COPS6: variants seen among roughly 807,000 people sequenced by gnomAD.
COPS6 encodes the protein COP9 signalosome subunit 6, also known as COP9 signalosome complex subunit 6.
Under a neutral mutation model 41.0 loss-of-function variants are expected in COPS6, and 9 were observed. The observed-to-expected ratio is 0.22, with a 90% CI of 0.13 to 0.38. The LOEUF is 0.38. COPS6 is among the 10% of genes least tolerant of loss of function. The pLI is 1.00. For synonymous variants in COPS6, 179 were observed against 162.9 expected, an observed-to-expected ratio of 1.10 and a Z score of -0.75; for missense variants, 302 against 436.7, an observed-to-expected ratio of 0.69 and a Z score of 2.75.
chr7:100,089,596 A>G lies in COPS6; in HGVS notation c.203-19A>G. On this transcript the variant is annotated intron_variant, in intron 2 of 9. Transcript: ENST00000303904. ...AAGTTTCTTTACCCTCACCTTTTCC[A>G]TGTCATTCTCTTTCCCAGTGATTGG... 6.2e-7 allele frequency: 1 copy of G among 1,609,788 alleles called. No individual in the cohort carries two copies. Among genetic ancestry groups the G allele is most frequent in the Non-Finnish European group, 8.5e-7 (1 of 1,178,110 alleles).
chr7:100,088,979 G>A lies in COPS6; in HGVS notation c.-12G>A, dbSNP rs1795271502. 7.6e-7 allele frequency: 1 copy of A among 1,318,356 alleles called. No individual in the cohort carries two copies. Among genetic ancestry groups the A allele is most frequent in the Non-Finnish European group, 9.7e-7 (1 of 1,032,160 alleles). The allele number at this position is 1,318,356 out of a possible 1,614,324, so 81.7% of individuals were successfully genotyped here. On this transcript the variant is annotated 5_prime_UTR_variant, in exon 1 of 10. Coordinates refer to ENST00000303904, the MANE Select transcript of COPS6 (RefSeq NM_006833.5). ...GAAGGGGGCGGGGCCGAGGCTGGCG[G>A]GCGCGGGGAAAATGGCGGCGGCGGC... is the stretch of plus-strand genomic sequence containing the variant.
intron 2 of COPS6, 38 bp from the exon 3 acceptor site, chr7:100,089,577 C>G (rs757812170): frequency 6.2e-7 from 1 of 1,605,964 alleles, no homozygotes; most frequent in East Asian, 2.2e-5. Context: ...ATAGAAGTTT[C>G]TTTACCCTCA....
In COPS6 at chr7:100,090,926, G is replaced by C; in HGVS notation, c.511G>C (p.Val171Leu). 6.2e-7 allele frequency: 1 copy of C among 1,614,222 alleles called. No homozygotes were observed. ...GCTTCCTGTCAGCGTTTTTGAGTCT[G>C]TCATTGATATAATCAATGGAGAGGT... ...TDLPVSVFESVIDIINGEATM... is the reference protein window; with the variant it reads ...TDLPVSVFESLIDIINGEATM... Residue 171 changes from valine (V) to leucine (L), a missense_variant, in exon 6 of 10, where the codon GTC becomes CTC. Around this residue, in one of 3 missense-constraint regions of COPS6, gnomAD observed 222 missense variants for 309.0 expected, o/e 0.72. Transcript: ENST00000303904.
In COPS6 at chr7:100,090,390, C is replaced by T; in HGVS notation, c.335-9C>T. Reference sequence around the variant, plus strand: ...GAATTACTATATGTTCTGGCCCCTTCCCCTCTAGTTAAACAGGTGTTCAAG... The same window carrying T: ...GAATTACTATATGTTCTGGCCCCTTTCCCTCTAGTTAAACAGGTGTTCAAG... On this transcript the variant is annotated splice_polypyrimidine_tract_variant and intron_variant, in intron 3 of 9. Coordinates refer to ENST00000303904, the MANE Select transcript of COPS6 (RefSeq NM_006833.5). 1 of 1,600,642 alleles carries T rather than the reference C, an allele frequency of 6.2e-7. No homozygotes were observed. The highest frequency in any genetic ancestry group is 1.1e-5 in the South Asian group (1 of 90,776).
intron 2 of COPS6, 80 bp from the exon 3 acceptor site, chr7:100,089,535 C>T: frequency 6.3e-7 from 1 of 1,599,934 alleles, no homozygotes; most frequent in Non-Finnish European, 8.5e-7. Context: ...TTCCCCAATA[C>T]ATGGTTCCCA....
chr7:100,089,318 G>A lies in COPS6; in HGVS notation c.105G>A (p.Val35=), dbSNP rs1375932876. 1 of 1,614,148 alleles carries A rather than the reference G, an allele frequency of 6.2e-7. No homozygotes were observed. The highest frequency in any genetic ancestry group is 1.7e-5 in the Admixed American group (1 of 60,018). ...AVVPSVMACG[V]TGSVSVALHP... ...TCCCCAGCGTGATGGCCTGCGGAGTGACTGGGAGTGTTTCCGTCGCTCTCC... is the reference window on the plus strand; with the variant it reads ...TCCCCAGCGTGATGGCCTGCGGAGTAACTGGGAGTGTTTCCGTCGCTCTCC... The change falls in exon 2 of 10, where the codon GTG becomes GTA. Residue 35 remains valine, a synonymous_variant. Coordinates refer to ENST00000303904, the MANE Select transcript of COPS6 (RefSeq NM_006833.5).
rs1421867634 is a variant in COPS6, at chr7:100,091,428, C to T, written c.751C>T (p.Pro251Ser). ...YVKASEAGEV[P>S]FNHEILREAY... ...TCTTTTTGTGCCTTTAGGAGAGGTC[C>T]CCTTTAATCATGAGATCCTGCGGGA... Residue 251 changes from proline to serine, a missense_variant, in exon 9 of 10, where the codon CCC becomes TCC. This residue lies in a region of COPS6 where 222 missense variants were observed against 309.0 expected (regional missense o/e 0.72). Transcript: ENST00000303904. The surrounding 1 kb of genome is among the most constrained non-coding windows in gnomAD (Gnocchi z 4.1). The T allele has an allele frequency of 6.2e-7, 1 of 1,614,034 alleles. No individual in the cohort carries two copies. Among genetic ancestry groups the T allele is most frequent in the Non-Finnish European group, 8.5e-7 (1 of 1,179,906 alleles).
At position 100,091,110 on chromosome 7, in the gene COPS6, G is replaced by A; in HGVS notation, c.607G>A (p.Val203Ile). Residue 203 changes from valine (V) to isoleucine (I), a missense_variant, in exon 7 of 10, where the codon GTA (valine) becomes ATA (isoleucine). By Grantham distance (29) the Val-to-Ile change is conservative. Around this residue, in one of 3 missense-constraint regions of COPS6, gnomAD observed 222 missense variants for 309.0 expected, o/e 0.72. Transcript: ENST00000303904. The surrounding 1 kb of genome is among the most constrained non-coding windows in gnomAD (Gnocchi z 4.1). ...AGCGGAACGCATTGGTGTAGACCACGTAGCCCGAATGACAGCAACAGGCAG... is the reference window on the plus strand; with the variant it reads ...AGCGGAACGCATTGGTGTAGACCACATAGCCCGAATGACAGCAACAGGCAG... ...EEAERIGVDHVARMTATGSGE... is the reference protein window; with the variant it reads ...EEAERIGVDHIARMTATGSGE... 2 of 1,614,232 alleles carry A rather than the reference G, an allele frequency of 1.2e-6. No homozygotes were observed. Among genetic ancestry groups the A allele is most frequent in the Non-Finnish European group, 1.7e-6 (2 of 1,180,034 alleles).
rs1795334745 is a variant in COPS6, at chr7:100,091,961, T to G, written c.*172T>G. The stretch of plus-strand genomic sequence containing the variant: ...CACCACACTGGTTGGTCAACTTGGA[T>G]GTTCATCGAGGCTCATTCTGGCCTT... On this transcript the variant is annotated 3_prime_UTR_variant, in exon 10 of 10. Coordinates refer to ENST00000303904, the MANE Select transcript of COPS6 (RefSeq NM_006833.5). The surrounding 1 kb of genome is among the most constrained non-coding windows in gnomAD (Gnocchi z 4.1). 1.3e-6 allele frequency: 1 copy of G among 765,614 alleles called. No homozygotes were observed. The highest frequency in any genetic ancestry group is 2.1e-6 in the Non-Finnish European group (1 of 484,760). 47.4% of individuals were successfully genotyped at this position (765,614 alleles called of 1,614,324 possible).
chr7:100,090,567 C>T, intron 4 of COPS6, 25 bp from the exon 5 acceptor site: 1 of 1,612,000 alleles, frequency 6.2e-7, no homozygotes, highest in Non-Finnish European at 8.5e-7. Flanking sequence ...GCACTGACTT[C>T]CTGTGCATTG....
rs1795332903 is a variant in COPS6 at position 100,091,911 on chromosome 7, G to C, written c.*122G>C. On this transcript the variant is annotated 3_prime_UTR_variant, in exon 10 of 10. Coordinates refer to ENST00000303904, the MANE Select transcript of COPS6 (RefSeq NM_006833.5). This position sits in a 1 kb window ranked among gnomAD's most constrained non-coding sequence, Gnocchi z 4.1. ...AGGGGAGCAGCCCCTGAGCACCCCTGCTGGTGGCTCTGTCCTCTGTTAGGC... is the reference window on the plus strand; with the variant it reads ...AGGGGAGCAGCCCCTGAGCACCCCTCCTGGTGGCTCTGTCCTCTGTTAGGC... 5 of 1,291,108 alleles carry C rather than the reference G, an allele frequency of 3.9e-6. No homozygotes were observed. Among genetic ancestry groups the C allele is most frequent in the Non-Finnish European group, 5.4e-6 (5 of 926,502 alleles). The allele number at this position is 1,291,108 out of a possible 1,614,324, so 80.0% of individuals were successfully genotyped here.
intron 3 of COPS6, 183 bp downstream of exon 3, chr7:100,089,929 CA>C: frequency 1.7e-6 from 1 of 599,288 alleles, no homozygotes; most frequent in Non-Finnish European, 2.9e-6. Flanking sequence ...CAAAAGAAAG[CA>C]AAGGATGAGA....
Position 100,090,624 on chromosome 7 carries a change from G to A in COPS6, c.456G>A (p.Leu152=), listed in dbSNP as rs1795301549. The change falls in exon 5 of 10, where the codon CTG becomes CTA. Residue 152 remains leucine, a synonymous_variant. Transcript: ENST00000303904. ...VCEIIESPLF[L]KLNPMTKHTD... is the part of the protein sequence containing the mutation. Reference sequence around the variant, plus strand: ...AGATCATCGAGAGCCCCCTCTTTCTGAAGTTGAACCCTATGACCAAGCACA... The same window carrying A: ...AGATCATCGAGAGCCCCCTCTTTCTAAAGTTGAACCCTATGACCAAGCACA... The A allele has an allele frequency of 1.2e-6, 2 of 1,614,032 alleles. No individual in the cohort carries two copies. Among genetic ancestry groups the A allele is most frequent in the East Asian group, 2.2e-5 (1 of 44,892 alleles).
rs558924563 is a variant in COPS6, at chr7:100,091,291, G to A, written c.703G>A (p.Val235Ile). ...HSAIKMLHSR[V>I]KLILEYVKAS... is the part of the protein sequence containing the mutation. ...CGCCATCAAGATGCTGCACAGCCGC[G>A]TCAAGCTCATCTTGGAGTACGTCAA... Residue 235 changes from valine (V) to isoleucine (I), a missense_variant, in exon 8 of 10, where the codon GTC becomes ATC. Coordinates refer to ENST00000303904, the MANE Select transcript of COPS6 (RefSeq NM_006833.5). The surrounding 1 kb of genome is among the most constrained non-coding windows in gnomAD (Gnocchi z 4.1). 46 of 1,614,038 alleles carry A rather than the reference G, an allele frequency of 2.8e-5. No homozygotes were observed. The highest frequency in any genetic ancestry group is 3.5e-5 in the Non-Finnish European group (41 of 1,180,030).
chr7:100,091,555 A>G lies in COPS6; in HGVS notation c.843+35A>G. On this transcript the variant is annotated intron_variant, in intron 9 of 9. Transcript: ENST00000303904. The surrounding 1 kb of genome is among the most constrained non-coding windows in gnomAD (Gnocchi z 4.1). ...AAACCCGGATGGGGAGGCGGGGCTT[A>G]TGCTGTCACTTTCACGTGCAGGACT... 1 of 1,613,844 alleles carries G rather than the reference A, an allele frequency of 6.2e-7. No homozygotes were observed. The highest frequency in any genetic ancestry group is 8.5e-7 in the Non-Finnish European group (1 of 1,179,734).
Position 100,092,025 on chromosome 7 carries a change from A to C in COPS6, c.*236A>C. On this transcript the variant is annotated 3_prime_UTR_variant, in exon 10 of 10. Coordinates refer to ENST00000303904, the MANE Select transcript of COPS6 (RefSeq NM_006833.5). Reference sequence around the variant, plus strand: ...TCTGATGCTCTTCAGTGAGGGAGGCACTACCATTTGAAGTGACCCCATGTC... The same window carrying C: ...TCTGATGCTCTTCAGTGAGGGAGGCCCTACCATTTGAAGTGACCCCATGTC... 1 of 560,792 alleles carries C rather than the reference A, an allele frequency of 1.8e-6. No individual in the cohort carries two copies. The highest frequency in any genetic ancestry group is 3.1e-5 in the Admixed American group (1 of 32,056). 34.7% of individuals were successfully genotyped at this position (560,792 alleles called of 1,614,324 possible).
In COPS6 at chr7:100,091,968, C is replaced by T. The variant is rs572794934; in HGVS notation, c.*179C>T. On this transcript the variant is annotated 3_prime_UTR_variant, in exon 10 of 10. Coordinates refer to ENST00000303904, the MANE Select transcript of COPS6 (RefSeq NM_006833.5). This position sits in a 1 kb window ranked among gnomAD's most constrained non-coding sequence, Gnocchi z 4.1. ...CTGGTTGGTCAACTTGGATGTTCAT[C>T]GAGGCTCATTCTGGCCTTGCTCAGA... 1.9e-5 allele frequency: 14 copies of T among 721,894 alleles called. No homozygotes were observed. Among genetic ancestry groups the T allele is most frequent in the Admixed American group, 8.7e-5 (3 of 34,480 alleles). 44.7% of individuals were successfully genotyped at this position (721,894 alleles called of 1,614,324 possible). A position where few individuals can be genotyped will look rare whatever the true frequency, so the allele number is the denominator to read the frequency against.
intron 5 of COPS6, 53 bp from the exon 6 acceptor site, chr7:100,090,849 A>G: frequency 1.3e-6 from 2 of 1,596,502 alleles, no homozygotes; most frequent in African/African-American, 1.3e-5. Context: ...GTGTAAAAGC[A>G]GCTAGCCCAA....
chr7:100,090,532 ATG>A, intron 4 of COPS6, 45 bp downstream of exon 4: 4 of 1,610,106 alleles, frequency 2.5e-6, no homozygotes, highest in Non-Finnish European at 3.4e-6. Flanking sequence ...AGAATGGAGA[ATG>A]AGGGGAAGGA....
Sources: allele counts gnomAD v4.1 joint callset, GRCh38; gene constraint gnomAD v4.1.1; regional missense constraint gnomAD v4.1.1; non-coding constraint Gnocchi (gnomAD v3.1); transcripts MANE v1.5; gene names NCBI Gene and HGNC (gene_info 2026-07-23, HGNC 2026-07-21).